The following KIFAP3 variants were observed in gnomAD, a reference collection of about 807,000 sequenced individuals.
The protein encoded by KIFAP3 is kinesin-associated protein 3.
KIFAP3 carries 68 observed loss-of-function variants against 106.5 expected under a neutral mutation model. The observed-to-expected ratio is 0.64, with a 90% CI of 0.53 to 0.78. KIFAP3 has a LOEUF of 0.78. Ranked by LOEUF, KIFAP3 falls within the 30% of genes least tolerant of loss-of-function variation. The pLI is 0.00. For synonymous variants in KIFAP3, 320 were observed against 311.5 expected (o/e 1.03, Z -0.29); for missense variants, 780 against 941.8 (o/e 0.83, Z 2.25).
intron 4 of KIFAP3, among the ~76,000 whole-genome samples, chr1:170,038,684 T>C (rs563262049): frequency 3.3e-5 from 5 of 152,346 alleles, no homozygotes; most frequent in African/African-American, 9.6e-5. Flanking sequence ...TTAAATGTAA[T>C]AGAAAATATT....
chr1:170,074,779 A>T (rs572669116), upstream of KIFAP3: 5 of 1,223,284 alleles, frequency 4.1e-6, no homozygotes, highest in Middle Eastern at 3.3e-4. Flanking sequence ...TCAGAGTTTG[A>T]CGCACCGGGG....
chr1:170,046,918 C>A (rs1375304006), intron 2 of KIFAP3, 52 bp from the exon 3 acceptor site: 2 of 1,052,678 alleles, frequency 1.9e-6, no homozygotes, highest in Non-Finnish European at 2.7e-6. Context: ...GTAATAACTT[C>A]AATACTACTA....
Position 169,961,344 on chromosome 1 carries a change from G to A in KIFAP3, c.1984-109C>T, listed in dbSNP as rs1400957614. The A allele has an allele frequency of 4.2e-6, 3 of 714,298 alleles. No homozygotes were observed. In the African/African-American group the frequency reaches 5.3e-5, roughly 13 times the overall value. The allele number at this position is 714,298 out of a possible 1,614,324, so 44.2% of individuals were successfully genotyped here. A position where few individuals can be genotyped will look rare whatever the true frequency, so the allele number is the denominator to read the frequency against. ...TTTGGGGGCCCTTCACTGGGTCAGA[G>A]GAAGCACTACAAATACCTGTTCAGG... On this transcript the variant is annotated intron_variant, in intron 17 of 19. Transcript: ENST00000361580.
In KIFAP3 at chr1:169,993,668, CCCAG is replaced by C. The variant is rs1667220928; in HGVS notation, c.1184-1417_1184-1414del. ...CCCAGAAGGTGAGGCTTGCAGTGAG[CCCAG>C]ATTGTGCCACTGAACGCCAGCCTGG... On this transcript the variant is annotated intron_variant, in intron 10 of 19. Transcript: ENST00000361580. Among the ~76,000 whole-genome samples, 3 of 125,576 alleles carry C rather than the reference CCCAG, an allele frequency of 2.4e-5. 1 individual carries two copies. The highest frequency in any genetic ancestry group is 5.1e-5 in the Non-Finnish European group (3 of 58,322). 82.4% of individuals were successfully genotyped at this position (125,576 alleles called of 152,430 possible). A position where few individuals can be genotyped will look rare whatever the true frequency, so the allele number is the denominator to read the frequency against.
At position 170,031,995 on chromosome 1, in the gene KIFAP3, T is replaced by C; in HGVS notation, c.743-11A>G. On this transcript the variant is annotated splice_polypyrimidine_tract_variant and intron_variant, in intron 7 of 19. Transcript: ENST00000361580. The stretch of plus-strand genomic sequence containing the variant: ...CAGGGTCTTCATCAAGTAAACAACT[T>C]GTTAAGGATCATCCATACTCATTGA... The C allele has an allele frequency of 6.5e-7, 1 of 1,545,936 alleles. No homozygotes were observed. Among genetic ancestry groups the C allele is most frequent in the Non-Finnish European group, 8.9e-7 (1 of 1,121,618 alleles).
intron 17 of KIFAP3, among the ~76,000 whole-genome samples, chr1:169,971,803 GA>G (rs1571583422): frequency 6.6e-6 from 1 of 152,098 alleles, no homozygotes; most frequent in Middle Eastern, 3.4e-3. Flanking sequence ...AATCCAGTTA[GA>G]AAAAGAAAGC....
chr1:169,998,377 A>C (rs1667477163), intron 10 of KIFAP3, among the ~76,000 whole-genome samples: 1 of 94,572 alleles, frequency 1.1e-5, no homozygotes, highest in Non-Finnish European at 2.2e-5. Flanking sequence ...CTAGTGCTTC[A>C]CCAGATATAT....
At chr1:170,055,270 A>G in intron 2 of KIFAP3, 35 bp downstream of exon 2, 2 of 1,568,512 alleles carry the variant, frequency 1.3e-6, no homozygotes, top group Non-Finnish European at 8.6e-7. Flanking sequence ...TATAATGTTC[A>G]CTACTTTCAA....
At chr1:170,023,990 T>C (rs1296940538) in intron 9 of KIFAP3, 1 of 152,408 alleles carries the variant, frequency 6.6e-6, no homozygotes, top group African/African-American at 2.4e-5. Flanking sequence ...GAACAGCAGG[T>C]AACAAAGAAG....
chr1:170,042,426 G>A (rs1217674892), intron 3 of KIFAP3, among the ~76,000 whole-genome samples: 2 of 152,288 alleles, frequency 1.3e-5, no homozygotes, highest in East Asian at 1.9e-4. Flanking sequence ...AAATCTGGCT[G>A]AGCAAAAGGT....
At chr1:169,986,859 C>A (rs1170932047) in intron 11 of KIFAP3, among the ~76,000 whole-genome samples, 1 of 151,884 alleles carries the variant, frequency 6.6e-6, no homozygotes, top group African/African-American at 2.4e-5. Context: ...GGCTACAGGT[C>A]ATTATTTTAG....
intron 15 of KIFAP3, among the ~76,000 whole-genome samples, chr1:169,978,849 G>A (rs961480863): frequency 6.6e-6 from 1 of 152,024 alleles, no homozygotes; most frequent in African/African-American, 2.4e-5. Flanking sequence ...TATCAAACCA[G>A]TTGTGTAGAA....
At chr1:170,081,442 C>T (rs1441778627) in intron 1 of KIFAP3, among the ~76,000 whole-genome samples, 2 of 152,174 alleles carry the variant, frequency 1.3e-5, no homozygotes, top group Admixed American at 6.5e-5. Context: ...TTCTGTAGAT[C>T]AGAAGTCTGC....
intron 16 of KIFAP3, among the ~76,000 whole-genome samples, chr1:169,973,933 T>C (rs1466485807): frequency 6.6e-6 from 1 of 151,878 alleles, no homozygotes; most frequent in Non-Finnish European, 1.5e-5. Context: ...TAAGCACTGT[T>C]ATTTAAAAAC....
At chr1:170,074,213 T>C (rs1378618306) in intron 1 of KIFAP3, among the ~76,000 whole-genome samples, 1 of 152,066 alleles carries the variant, frequency 6.6e-6, no homozygotes, top group Non-Finnish European at 1.5e-5. Context: ...CATCTTTCAA[T>C]GCTGTCAGGG....
intron 10 of KIFAP3, among the ~76,000 whole-genome samples, chr1:169,998,190 T>C (rs1320728763): frequency 6.6e-6 from 1 of 152,054 alleles, no homozygotes; most frequent in Non-Finnish European, 1.5e-5. Context: ...TGATGGGCTA[T>C]CAAGCAGACG....
intron 15 of KIFAP3, among the ~76,000 whole-genome samples, chr1:169,978,932 C>A (rs1666368938): frequency 6.6e-6 from 1 of 152,046 alleles, no homozygotes. Context: ...GTACTACTCT[C>A]CCAAACAAAT....
At chr1:169,983,415 G>C (rs773397804) in intron 12 of KIFAP3, 33 bp from the exon 13 acceptor site, 512 of 1,393,514 alleles carry the variant, frequency 3.7e-4, no homozygotes, top group Middle Eastern at 2.5e-3. Context: ...TAAAATTAAG[G>C]TTAGCTTAAG....
intron 16 of KIFAP3, among the ~76,000 whole-genome samples, chr1:169,976,575 A>T (rs1666229129): frequency 1.3e-5 from 2 of 152,184 alleles, no homozygotes; most frequent in Admixed American, 1.3e-4. Flanking sequence ...AAACCATATT[A>T]AAAATATTTA....
Sources: allele counts gnomAD v4.1 joint callset (sites outside exome capture counted in the v4.1 genomes callset), GRCh38; gene constraint gnomAD v4.1.1; transcripts MANE v1.5; gene names NCBI Gene and HGNC (gene_info 2026-07-23, HGNC 2026-07-21).